Variants in MX2 observed in about 807,000 individuals in gnomAD.
MX2 encodes MX dynamin like GTPase 2.
Under a neutral mutation model 74.0 loss-of-function variants are expected in MX2, and 51 were observed. That is an observed-to-expected ratio of 0.69 (90% confidence interval 0.55 to 0.87). The LOEUF is 0.87. Ranked by LOEUF, MX2 falls within the 40% of genes least tolerant of loss-of-function variation. The pLI is 0.00. For synonymous variants in MX2, 369 were observed against 339.3 expected, an observed-to-expected ratio of 1.09 and a Z score of -0.96; for missense variants, 832 against 908.7, an observed-to-expected ratio of 0.92 and a Z score of 1.09.
At chr21:41,369,697 C>T (rs1190018319) in intron 1 of MX2, among the ~76,000 whole-genome samples, 2 of 152,108 alleles carry the variant, frequency 1.3e-5, no homozygotes, top group East Asian at 3.9e-4. Context: ...GCAGGGCGCT[C>T]TCAGCAGCCA....
In MX2 at chr21:41,374,297, C is replaced by A. The variant is rs540903247; in HGVS notation, c.-71-2539C>A. On this transcript the variant is annotated intron_variant, in intron 1 of 13. Transcript: ENST00000330714. ...CAACCCTACTTTCTAATTCTTTATC[C>A]TAAACCCGGACTGTGGGCCTCATCT... 1.8e-4 allele frequency among the ~76,000 whole-genome samples: 28 copies of A among 152,366 alleles called. No individual in the cohort carries two copies. The South Asian group carries it at 5.8e-3, about 32-fold the overall frequency.
At chr21:41,365,098 C>T (rs987056208) in intron 1 of MX2, 6 of 152,198 alleles carry the variant, frequency 3.9e-5, no homozygotes, top group African/African-American at 1.4e-4. Context: ...CTGAATGTGA[C>T]CTTAGTTGGA....
At chr21:41,383,597 C>T (rs966813184) in intron 5 of MX2, among the ~76,000 whole-genome samples, 2 of 152,200 alleles carry the variant, frequency 1.3e-5, no homozygotes, top group African/African-American at 4.8e-5. Flanking sequence ...ACTGAGGCCA[C>T]TTTCCTGGCT....
chr21:41,375,413 G>T (rs926430498), intron 1 of MX2, among the ~76,000 whole-genome samples: 4 of 152,236 alleles, frequency 2.6e-5, no homozygotes, highest in African/African-American at 7.2e-5. Context: ...AACACACATT[G>T]GTTCTCTCAC....
chr21:41,393,412 A>G (rs1017949540), intron 6 of MX2, among the ~76,000 whole-genome samples: 3 of 152,180 alleles, frequency 2.0e-5, no homozygotes, highest in Admixed American at 1.3e-4. Flanking sequence ...ACTGAGGAGC[A>G]CATGGTCACG....
At position 41,406,797 on chromosome 21, in the gene MX2, C is replaced by T. The variant is rs2089891911; in HGVS notation, c.1704C>T (p.Ile568=). Residue 568 remains isoleucine, a synonymous_variant, in exon 13 of 14, where the codon ATC becomes ATT. Transcript: ENST00000330714. ...VKHTAKAENM[I]QLQFRMEQMV... Reference sequence around the variant, plus strand: ...ACACAGCAAAGGCAGAAAACATGATCCAACTTCAGTTCAGAATGGAGCAGA... The same window carrying T: ...ACACAGCAAAGGCAGAAAACATGATTCAACTTCAGTTCAGAATGGAGCAGA... The T allele has an allele frequency of 1.9e-6, 3 of 1,614,080 alleles. No homozygotes were observed.
intron 4 of MX2, 99 bp from the exon 5 acceptor site, chr21:41,382,311 C>T: frequency 2.8e-6 from 4 of 1,433,056 alleles, no homozygotes; most frequent in Non-Finnish European, 3.7e-6. Context: ...TACTGAAGCT[C>T]TCATACCCTG....
chr21:41,376,546 TCAA>T (rs56871493), intron 1 of MX2, among the ~76,000 whole-genome samples: 46 of 151,948 alleles, frequency 3.0e-4, no homozygotes, highest in East Asian at 2.5e-3. Context: ...AGACCCTGTC[TCAA>T]CAACAACAAC....
At position 41,408,353 on chromosome 21, in the gene MX2, T is replaced by C; in HGVS notation, c.*120T>C. The C allele has an allele frequency of 1.5e-6, 2 of 1,336,682 alleles. No homozygotes were observed. 82.8% of individuals were successfully genotyped at this position (1,336,682 alleles called of 1,614,324 possible). On this transcript the variant is annotated 3_prime_UTR_variant, in exon 14 of 14. Transcript: ENST00000330714. ...TTCTGTCACTATCAGTGTCCATCTC[T>C]ACTGTACTCCCTCAGCATCAGAGCA...
chr21:41,365,094 G>A (rs996363829), intron 1 of MX2: 1 of 152,230 alleles, frequency 6.6e-6, no homozygotes, highest in East Asian at 1.9e-4. Flanking sequence ...ACCTCTGAAT[G>A]TGACCTTAGT....
rs1390350133 is a variant in MX2, at chr21:41,391,184, ATCAACTG to A, written c.871+482_871+488del. 2.0e-5 allele frequency among the ~76,000 whole-genome samples: 3 copies of A among 152,248 alleles called. No individual in the cohort carries two copies. The East Asian group carries it at 5.8e-4, about 29-fold the overall frequency. On this transcript the variant is annotated intron_variant, in intron 6 of 13. Transcript: ENST00000330714. ...CTTATTGAGGACTGAAGTAGGTAAT[ATCAACTG>A]CCCAGTAGATGGACCTGAGCATGTC...
In MX2 at chr21:41,402,594, G is replaced by A. The variant is rs932576690; in HGVS notation, c.1573+466G>A. On this transcript the variant is annotated intron_variant, in intron 11 of 13. Coordinates refer to ENST00000330714, the MANE Select transcript of MX2 (RefSeq NM_002463.2). This position sits in a 1 kb window ranked among gnomAD's most constrained non-coding sequence, Gnocchi z 4.5. ...AGACAATTTTTCCACAGACCAGTGA[G>A]GGGTAAGAAGGATGGCTCCAGGATG... 1.2e-5 allele frequency: 2 copies of A among 165,014 alleles called. No individual in the cohort carries two copies. Among genetic ancestry groups the A allele is most frequent in the Admixed American group, 1.2e-4 (2 of 17,080 alleles). 10.2% of individuals were successfully genotyped at this position (165,014 alleles called of 1,614,324 possible).
chr21:41,390,821 C>T (rs528301428), intron 6 of MX2, 118 bp downstream of exon 6: 132 of 1,140,952 alleles, frequency 1.2e-4, no homozygotes, highest in African/African-American at 7.9e-4. Flanking sequence ...CTGGCTAATC[C>T]GGTGAAACCT....
At chr21:41,390,535 CTCTT>C (rs755919862) in intron 5 of MX2, 26 bp from the exon 6 acceptor site, 5 of 1,613,542 alleles carry the variant, frequency 3.1e-6, no homozygotes, top group Non-Finnish European at 4.2e-6. Context: ...GAGACGTGTG[CTCTT>C]TCTTTGTGCG....
chr21:41,383,480 G>A (rs1460422845), intron 5 of MX2, among the ~76,000 whole-genome samples: 1 of 152,258 alleles, frequency 6.6e-6, no homozygotes, highest in Non-Finnish European at 1.5e-5. Context: ...CCAGTCCCCG[G>A]ACCAGCCCTG....
chr21:41,375,869 T>C (rs574979914), intron 1 of MX2, among the ~76,000 whole-genome samples: 1 of 152,056 alleles, frequency 6.6e-6, no homozygotes, highest in Non-Finnish European at 1.5e-5. Context: ...ATCCAGAGTG[T>C]GGGGGGCTCC....
chr21:41,382,622 TC>T, intron 5 of MX2, 58 bp downstream of exon 5: 1 of 1,601,768 alleles, frequency 6.2e-7, no homozygotes. Flanking sequence ...GGGTCAGAGG[TC>T]CCCAGGGTCC....
intron 1 of MX2, among the ~76,000 whole-genome samples, chr21:41,372,200 A>C (rs190367317): frequency 2.0e-5 from 3 of 152,294 alleles, no homozygotes; most frequent in South Asian, 2.1e-4. Flanking sequence ...GTTGCAGATG[A>C]GATAGGACTC....
intron 6 of MX2, among the ~76,000 whole-genome samples, chr21:41,394,263 C>T (rs1160842721): frequency 7.8e-6 from 1 of 128,452 alleles, no homozygotes; most frequent in African/African-American, 4.8e-5. Flanking sequence ...CCCTGCCTGC[C>T]TCTCTGATCT....
Sources: gnomAD v4.1 joint callset for allele counts (sites outside exome capture counted in the v4.1 genomes callset) on GRCh38, gnomAD v4.1.1 for gene constraint, Gnocchi (gnomAD v3.1) non-coding constraint, MANE v1.5 for transcripts, NCBI Gene and HGNC (gene_info 2026-07-23, HGNC 2026-07-21) for gene names.